Variants in SLC47A1 observed in about 807,000 individuals in gnomAD.
SLC47A1 encodes solute carrier family 47 member 1.
Under a neutral mutation model 65.8 loss-of-function variants are expected in SLC47A1, and 58 were observed. The ratio of observed to expected loss-of-function variants is 0.88; its 90% CI spans 0.71 to 1.10. The LOEUF (loss-of-function observed/expected upper bound fraction) is 1.10. SLC47A1 is among the 50% of genes least tolerant of loss of function. The pLI, the probability that SLC47A1 is intolerant of heterozygous loss-of-function variation, is 0.00. For synonymous variants in SLC47A1, 285 were observed against 295.0 expected (o/e 0.97, Z 0.35); for missense variants, 706 against 719.2 (o/e 0.98, Z 0.21).
At chr17:19,577,300 A>G (rs2152318379) in intron 16 of SLC47A1, 27 bp from the exon 17 acceptor site, 3 of 1,608,208 alleles carry the variant, frequency 1.9e-6, no homozygotes, top group South Asian at 2.2e-5. Context: ...ATCCCTTTTA[A>G]GCTGCTAAGT....
chr17:19,573,107 T>C (rs2084412925), intron 16 of SLC47A1, among the ~76,000 whole-genome samples: 1 of 152,238 alleles, frequency 6.6e-6, no homozygotes, highest in African/African-American at 2.4e-5. Flanking sequence ...GCAAGCACTT[T>C]GCAGGCATTT....
At chr17:19,556,249 G>T (rs2440150) in intron 10 of SLC47A1, among the ~76,000 whole-genome samples, 187 bp downstream of exon 10, 135 of 152,184 alleles carry the variant, frequency 8.9e-4, no homozygotes, top group Admixed American at 1.4e-3. Context: ...GGAACTGAAG[G>T]GGGGCTGGAG....
rs111893264 is a variant in SLC47A1, at chr17:19,564,874, C to A, written c.1107-1916C>A. Among the ~76,000 whole-genome samples, 335 of 152,218 alleles carry A rather than the reference C, an allele frequency of 2.2e-3. 7 individuals are homozygous for A. The highest frequency in any genetic ancestry group is 7.8e-3 in the African/African-American group (324 of 41,546). Reference sequence around the variant, plus strand: ...TAGCTGGGATTACAGGCATGCACCACCACACCTGCTAATTTTGTATTTTTA... The same window carrying A: ...TAGCTGGGATTACAGGCATGCACCAACACACCTGCTAATTTTGTATTTTTA... On this transcript the variant is annotated intron_variant, in intron 12 of 16. Transcript: ENST00000270570.
At chr17:19,543,171 G>A (rs1419516835) in intron 2 of SLC47A1, among the ~76,000 whole-genome samples, 4 of 149,182 alleles carry the variant, frequency 2.7e-5, no homozygotes, top group South Asian at 2.1e-4. Context: ...GTGCAGTGGT[G>A]TAATCTCGGC....
intron 3 of SLC47A1, 111 bp downstream of exon 3, chr17:19,546,614 A>G (rs1916297951): frequency 2.1e-6 from 2 of 968,766 alleles, no homozygotes; most frequent in Non-Finnish European, 1.6e-6. Context: ...TGCAGCACCT[A>G]TCAGCCAGCA....
chr17:19,573,947 C>T (rs1420373103), intron 16 of SLC47A1, among the ~76,000 whole-genome samples: 10 of 140,146 alleles, frequency 7.1e-5, no homozygotes, highest in Non-Finnish European at 1.4e-4. Context: ...TTTTTAAAAG[C>T]AGTCTCACCC....
intron 6 of SLC47A1, 124 bp downstream of exon 6, chr17:19,551,592 C>T (rs996331226): frequency 5.0e-6 from 4 of 797,612 alleles, no homozygotes; most frequent in Admixed American, 2.2e-5. Context: ...TGCTGGGAGC[C>T]ACTGAAAGAT....
chr17:19,554,462 C>T (rs775987912), intron 6 of SLC47A1, among the ~76,000 whole-genome samples: 4 of 152,162 alleles, frequency 2.6e-5, no homozygotes, highest in African/African-American at 9.7e-5. Context: ...TTTCAAACAG[C>T]AATGTTTCTG....
chr17:19,567,177 G>A lies in SLC47A1; in HGVS notation c.1258G>A (p.Gly420Ser). Residue 420 changes from glycine (G) to serine (S), a missense_variant, in exon 14 of 17, where the codon GGC (glycine) becomes AGC (serine). By Grantham distance (56) the Gly-to-Ser change is moderately conservative. Coordinates refer to ENST00000270570, the MANE Select transcript of SLC47A1 (RefSeq NM_018242.3). ...GAATACCATTGGGTACTATGTGGTT[G>A]GCCTCCCCATCGGGATCGCGCTGAT... Reference protein sequence around the residue: ...IVNTIGYYVVGLPIGIALMFA... With the variant: ...IVNTIGYYVVSLPIGIALMFA... 1 of 1,614,182 alleles carries A rather than the reference G, an allele frequency of 6.2e-7. No individual in the cohort carries two copies. Among genetic ancestry groups the A allele is most frequent in the Non-Finnish European group, 8.5e-7 (1 of 1,180,046 alleles).
Position 19,577,509 on chromosome 17 carries a change from TTGC to T in SLC47A1, c.1672_1674del (p.Leu558del). ...TCTGCTCCTGGGGGTCTTCTTAATC[TTGC>T]TGGTGGGGATTTTAGTGAGATTCTA... On this transcript the variant is annotated inframe_deletion, in exon 17 of 17. Transcript: ENST00000270570. 6.2e-7 allele frequency: 1 copy of T among 1,614,140 alleles called. No homozygotes were observed. Among genetic ancestry groups the T allele is most frequent in the South Asian group, 1.1e-5 (1 of 91,072 alleles).
chr17:19,552,314 C>T (rs138055243), intron 6 of SLC47A1, among the ~76,000 whole-genome samples: 205 of 152,314 alleles, frequency 1.3e-3, no homozygotes, highest in African/African-American at 4.9e-3. Context: ...AAGTGCTGGA[C>T]TTACAGGTGT....
chr17:19,537,304 A>G (rs1916014934), intron 1 of SLC47A1, among the ~76,000 whole-genome samples: 1 of 151,688 alleles, frequency 6.6e-6, no homozygotes, highest in Non-Finnish European at 1.5e-5. Context: ...TCTGGAGAGA[A>G]CCGCTTTACC....
intron 16 of SLC47A1, among the ~76,000 whole-genome samples, chr17:19,576,739 C>CTT (rs59607900): frequency 2.8e-4 from 41 of 145,690 alleles, no homozygotes; most frequent in African/African-American, 2.5e-4. Context: ...CCTGTGAATC[C>CTT]TTTTTTTTTT....
Position 19,577,364 on chromosome 17 carries a change from T to A in SLC47A1, c.1524T>A (p.Asp508Glu), listed in dbSNP as rs781049211. Residue 508 changes from aspartate (D) to glutamate (E), a missense_variant, in exon 17 of 17, where the codon GAT becomes GAA. Coordinates refer to ENST00000270570, the MANE Select transcript of SLC47A1 (RefSeq NM_018242.3). Reference sequence around the variant, plus strand: ...ACCTTGAAGGAATTTTAACGAACGATGTTGGAAAGACAGGCGAGCCTCAGT... The same window carrying A: ...ACCTTGAAGGAATTTTAACGAACGAAGTTGGAAAGACAGGCGAGCCTCAGT... ...PENLEGILTN[D>E]VGKTGEPQSD... is the part of the protein sequence containing the mutation. 1 of 1,614,032 alleles carries A rather than the reference T, an allele frequency of 6.2e-7. No homozygotes were observed. The highest frequency in any genetic ancestry group is 8.5e-7 in the Non-Finnish European group (1 of 1,180,004).
chr17:19,561,682 G>A (rs1281125198), intron 12 of SLC47A1, among the ~76,000 whole-genome samples: 2 of 150,574 alleles, frequency 1.3e-5, no homozygotes, highest in African/African-American at 4.9e-5. Context: ...CTCCACTGAT[G>A]TTACTTGGGA....
intron 7 of SLC47A1, 105 bp downstream of exon 7, chr17:19,555,414 G>C: frequency 2.9e-6 from 4 of 1,356,328 alleles, no homozygotes; most frequent in Non-Finnish European, 4.2e-6. Context: ...GTCCATGCGT[G>C]GTCTCTTTCT....
Position 19,577,513 on chromosome 17 carries a change from T to C in SLC47A1, c.1673T>C (p.Leu558Pro). 6.2e-7 allele frequency: 1 copy of C among 1,614,150 alleles called. No homozygotes were observed. Among genetic ancestry groups the C allele is most frequent in the South Asian group, 1.1e-5 (1 of 91,082 alleles). The part of the protein sequence containing the change: ...LLLLGVFLIL[L>P]VGILVRFYVR... Reference sequence around the variant, plus strand: ...CTCCTGGGGGTCTTCTTAATCTTGCTGGTGGGGATTTTAGTGAGATTCTAT... The same window carrying C: ...CTCCTGGGGGTCTTCTTAATCTTGCCGGTGGGGATTTTAGTGAGATTCTAT... Residue 558 changes from leucine to proline, a missense_variant, in exon 17 of 17, where the codon CTG becomes CCG. By Grantham distance (98) the Leu-to-Pro change is moderately conservative (BLOSUM62 -3). Transcript: ENST00000270570.
chr17:19,546,049 G>A (rs1305072064), intron 2 of SLC47A1, among the ~76,000 whole-genome samples: 9 of 152,000 alleles, frequency 5.9e-5, no homozygotes, highest in Non-Finnish European at 1.0e-4. Context: ...GTGAAACCCC[G>A]TCTTTACTAA....
At chr17:19,560,110 G>C in intron 10 of SLC47A1, 78 bp from the exon 11 acceptor site, 1 of 1,014,422 alleles carries the variant, frequency 9.9e-7, no homozygotes, top group Non-Finnish European at 1.5e-6. Flanking sequence ...CCAGGTGTGA[G>C]GCATGAGGCT....
Sources: gnomAD v4.1 joint callset for allele counts (sites outside exome capture counted in the v4.1 genomes callset) on GRCh38, gnomAD v4.1.1 for gene constraint, MANE v1.5 for transcripts, NCBI Gene and HGNC (gene_info 2026-07-23, HGNC 2026-07-21) for gene names.